BAG5: variants seen among roughly 807,000 people sequenced by gnomAD.
BAG5 encodes BAG cochaperone 5.
BAG5 carries 25 observed loss-of-function variants against 31.8 expected under a neutral mutation model. The observed-to-expected ratio is 0.79, with a 90% CI of 0.57 to 1.10. The LOEUF (loss-of-function observed/expected upper bound fraction) is 1.10. Ranked by LOEUF, BAG5 falls within the 50% of genes least tolerant of loss-of-function variation. The pLI is 0.00. For missense variants in BAG5, 491 were observed against 527.9 expected, an observed-to-expected ratio of 0.93 and a Z score of 0.68; for synonymous variants, 208 against 205.0, an observed-to-expected ratio of 1.01 and a Z score of -0.13.
rs1272804459 is a variant in BAG5 at position 103,558,601 on chromosome 14, G to A, written c.*1220C>T. The A allele has an allele frequency of 6.6e-6, 1 of 152,222 alleles. No individual in the cohort carries two copies. The highest frequency in any genetic ancestry group is 1.5e-5 in the Non-Finnish European group (1 of 68,044). 9.4% of individuals were successfully genotyped at this position (152,222 alleles called of 1,614,324 possible). On this transcript the variant is annotated 3_prime_UTR_variant, in exon 2 of 2. Transcript: ENST00000299204. ...GAAGAGAGATGCTTCACGCACGACTGACTTTAATGGCTCTTTCAGGCAACA... is the reference window on the plus strand; with the variant it reads ...GAAGAGAGATGCTTCACGCACGACTAACTTTAATGGCTCTTTCAGGCAACA...
Position 103,556,979 on chromosome 14 carries a change from T to G in BAG5, c.*2842A>C, listed in dbSNP as rs1012843142. On this transcript the variant is annotated 3_prime_UTR_variant, in exon 2 of 2. Transcript: ENST00000299204. ...CACTAAACTATACTTTGTAGACATA[T>G]TCATTACATTTATTTTAATAACTAC... 1 of 152,244 alleles carries G rather than the reference T, an allele frequency of 6.6e-6. No individual in the cohort carries two copies. The highest frequency in any genetic ancestry group is 2.4e-5 in the African/African-American group (1 of 41,460). The allele number at this position is 152,244 out of a possible 1,614,324, so 9.4% of individuals were successfully genotyped here. A position where few individuals can be genotyped will look rare whatever the true frequency, so the allele number is the denominator to read the frequency against.
At position 103,560,769 on chromosome 14, in the gene BAG5, C is replaced by G. The variant is rs751626879; in HGVS notation, c.396G>C (p.Leu132=). ...CTCCAGTTTTAACATGTGTCAGCCT[C>G]AGAATGATATCTTGGATGCCTTCTT... ...EFEEGIQDII[L]RLTHVKTGGK... The change falls in exon 2 of 2, where the codon CTG becomes CTC. Residue 132 remains leucine (L), a synonymous_variant. Coordinates refer to ENST00000299204, the MANE Select transcript of BAG5 (RefSeq NM_001015048.3). 1.2e-6 allele frequency: 2 copies of G among 1,614,110 alleles called. No individual in the cohort carries two copies. The highest frequency in any genetic ancestry group is 3.3e-5 in the Admixed American group (2 of 59,994).
chr14:103,561,077 A>C lies in BAG5; in HGVS notation c.88T>G (p.Phe30Val). ...VKSVEQQVIGFSGLSDDKNYK... is the reference protein window; with the variant it reads ...VKSVEQQVIGVSGLSDDKNYK... ...TTCTTGTCATCTGACAGACCACTGA[A>C]GCCGATAACTTGCTGTTCTACACTT... Residue 30 changes from phenylalanine to valine, a missense_variant, in exon 2 of 2, where the codon TTC becomes GTC. Phe to Val is a conservative substitution (Grantham distance 50). Transcript: ENST00000299204. 1 of 1,610,938 alleles carries C rather than the reference A, an allele frequency of 6.2e-7. No homozygotes were observed.
intron 1 of BAG5, chr14:103,562,278 C>T (rs1297706782): frequency 4.5e-6 from 2 of 449,226 alleles, no homozygotes; most frequent in Non-Finnish European, 8.1e-6. Flanking sequence ...GCTGCAGCAG[C>T]CGCTCCGGGC....
chr14:103,561,911 G>C, intron 1 of BAG5: 1 of 1,598,436 alleles, frequency 6.3e-7, no homozygotes. Flanking sequence ...TCATTCACTC[G>C]CCTCCCACTG....
Position 103,560,894 on chromosome 14 carries a change from G to T in BAG5, c.271C>A (p.Arg91=). The T allele has an allele frequency of 6.2e-7, 1 of 1,614,072 alleles. No individual in the cohort carries two copies. Among genetic ancestry groups the T allele is most frequent in the East Asian group, 2.2e-5 (1 of 44,884 alleles). ...ELEQNANHPH[R]IEIQNIFEEA... ...TCAAAAATGTTCTGTATTTCAATCC[G>T]GTGTGGGTGGTTTGCATTCTGCTCC... Residue 91 remains arginine (R), a synonymous_variant, in exon 2 of 2, where the codon CGG becomes AGG. Coordinates refer to ENST00000299204, the MANE Select transcript of BAG5 (RefSeq NM_001015048.3).
In BAG5 at chr14:103,560,370, A is replaced by C. The variant is rs921759055; in HGVS notation, c.795T>G (p.Thr265=). The C allele has an allele frequency of 9.3e-6, 15 of 1,614,026 alleles. No homozygotes were observed. Among genetic ancestry groups the C allele is most frequent in the Non-Finnish European group, 1.3e-5 (15 of 1,180,038 alleles). Residue 265 remains threonine, a synonymous_variant, in exon 2 of 2, where the codon ACT becomes ACG. Coordinates refer to ENST00000299204, the MANE Select transcript of BAG5 (RefSeq NM_001015048.3). ...YLDLEEEADT[T]KAFDLRQNHS... is the part of the protein sequence containing the mutation. ...GATTCTGTCTCAGGTCAAATGCTTT[A>C]GTTGTGTCTGCTTCCTCTTCCAAAT...
Position 103,560,051 on chromosome 14 carries a change from C to T in BAG5, c.1114G>A (p.Val372Ile), listed in dbSNP as rs779522978. The part of the protein sequence containing the change: ...EHPSHKAVWN[V>I]LGNLSEIQGE... ...TGGATCTCAGACAAGTTTCCAAGGA[C>T]GTTCCAGACGGCTTTATGGGATGGG... The change falls in exon 2 of 2, where the codon GTC becomes ATC. Residue 372 changes from valine (V) to isoleucine (I), a missense_variant. By Grantham distance (29) the Val-to-Ile change is conservative (BLOSUM62 3). Transcript: ENST00000299204. 12 of 1,614,164 alleles carry T rather than the reference C, an allele frequency of 7.4e-6. No homozygotes were observed. The highest frequency in any genetic ancestry group is 2.2e-5 in the South Asian group (2 of 91,084).
In BAG5 at chr14:103,559,765, T is replaced by C. The variant is rs1340880774; in HGVS notation, c.*56A>G. Reference sequence around the variant, plus strand: ...AAATCAATGAACTGAAAGCTCTCTATACATAGAAGCACATATGAAGTGCAA... The same window carrying C: ...AAATCAATGAACTGAAAGCTCTCTACACATAGAAGCACATATGAAGTGCAA... On this transcript the variant is annotated 3_prime_UTR_variant, in exon 2 of 2. Coordinates refer to ENST00000299204, the MANE Select transcript of BAG5 (RefSeq NM_001015048.3). 3.2e-6 allele frequency: 5 copies of C among 1,556,600 alleles called. No individual in the cohort carries two copies. The South Asian group carries it at 3.5e-5, about 11-fold the overall frequency.
Position 103,558,736 on chromosome 14 carries a change from A to G in BAG5, c.*1085T>C, listed in dbSNP as rs2076052280. On this transcript the variant is annotated 3_prime_UTR_variant, in exon 2 of 2. Transcript: ENST00000299204. ...GATTGGTCCTGGAGCAGGTGTAGTT[A>G]TGACATTTACTAAGTGAGTGGTTAA... 1 of 152,170 alleles carries G rather than the reference A, an allele frequency of 6.6e-6. No homozygotes were observed. The highest frequency in any genetic ancestry group is 6.5e-5 in the Admixed American group (1 of 15,276). The allele number at this position is 152,170 out of a possible 1,614,324, so 9.4% of individuals were successfully genotyped here. A position where few individuals can be genotyped will look rare whatever the true frequency, so the allele number is the denominator to read the frequency against.
Position 103,561,957 on chromosome 14 carries a change from T to C in BAG5, c.-29+659A>G, listed in dbSNP as rs369702988. On this transcript the variant is annotated intron_variant, in intron 1 of 1. Transcript: ENST00000299204. Reference sequence around the variant, plus strand: ...ATGGCCTAATGCACGTTTCAAGCTCTTGGTTTCTATCAAACGGCTCGCTCA... The same window carrying C: ...ATGGCCTAATGCACGTTTCAAGCTCCTGGTTTCTATCAAACGGCTCGCTCA... 1,141 of 1,613,960 alleles carry C rather than the reference T, an allele frequency of 7.1e-4. 3 individuals are homozygous for C. The highest frequency in any genetic ancestry group is 2.3e-3 in the South Asian group (210 of 91,082).
Position 103,560,600 on chromosome 14 carries a change from C to A in BAG5, c.565G>T (p.Val189Leu), listed in dbSNP as rs371767275. 1 of 1,614,130 alleles carries A rather than the reference C, an allele frequency of 6.2e-7. No homozygotes were observed. The highest frequency in any genetic ancestry group is 1.7e-5 in the Admixed American group (1 of 60,004). ...AHPSVAKINF[V>L]MCEVNKARGV... The stretch of plus-strand genomic sequence containing the variant: ...CGGGCCTTGTTCACCTCACACATCA[C>A]GAAGTTGATTTTGGCAACGGAAGGA... Residue 189 changes from valine (V) to leucine (L), a missense_variant, in exon 2 of 2, where the codon GTG becomes TTG. By Grantham distance (32) the Val-to-Leu change is conservative (BLOSUM62 1). Transcript: ENST00000299204.
intron 1 of BAG5, chr14:103,561,960 G>C: frequency 6.2e-7 from 1 of 1,614,022 alleles, no homozygotes. Context: ...CAAGCTCTTG[G>C]TTTCTATCAA....
rs1433476558 is a variant in BAG5 at position 103,559,654 on chromosome 14, GAT to G, written c.*165_*166del. 29 of 742,432 alleles carry G rather than the reference GAT, an allele frequency of 3.9e-5. No individual in the cohort carries two copies. In the South Asian group the frequency reaches 5.1e-4, roughly 13 times the overall value. 46.0% of individuals were successfully genotyped at this position (742,432 alleles called of 1,614,324 possible). ...AATGGAAAAGTTAACGTGCTGTAATGATATTTGTCTTGCAACATCAAAAGCAG... is the reference window on the plus strand; with the variant it reads ...AATGGAAAAGTTAACGTGCTGTAATGATTTGTCTTGCAACATCAAAAGCAG... On this transcript the variant is annotated 3_prime_UTR_variant, in exon 2 of 2. Coordinates refer to ENST00000299204, the MANE Select transcript of BAG5 (RefSeq NM_001015048.3).
chr14:103,562,404 G>A (rs1036718503), intron 1 of BAG5: 1 of 257,100 alleles, frequency 3.9e-6, no homozygotes, highest in Non-Finnish European at 7.6e-6. Context: ...GGCCCGGCCG[G>A]AGACACCAGA....
chr14:103,562,402 C>T (rs879664725), intron 1 of BAG5: 5 of 256,502 alleles, frequency 1.9e-5, no homozygotes, highest in African/African-American at 2.4e-5. Flanking sequence ...GAGGCCCGGC[C>T]GGAGACACCA....
Sources: gnomAD v4.1 joint callset for allele counts on GRCh38, gnomAD v4.1.1 for gene constraint, MANE v1.5 for transcripts, NCBI Gene and HGNC (gene_info 2026-07-23, HGNC 2026-07-21) for gene names.